The following RELCH variants were observed in gnomAD, a reference collection of about 807,000 sequenced individuals.
RELCH encodes the protein RAB11-binding protein RELCH.
RELCH carries 41 observed loss-of-function variants against 150.3 expected under a neutral mutation model. The observed-to-expected ratio is 0.27, with a 90% CI of 0.21 to 0.35. RELCH has a LOEUF of 0.35. Ranked by LOEUF, RELCH falls within the 10% of genes least tolerant of loss-of-function variation. The probability of loss-of-function intolerance (pLI) is 1.00; values close to 1 mark genes in which losing one functional copy is unlikely to be tolerated. For synonymous variants in RELCH, 478 were observed against 531.8 expected, an observed-to-expected ratio of 0.90 and a Z score of 1.39; for missense variants, 1,092 against 1,467.8, an observed-to-expected ratio of 0.74 and a Z score of 4.18.
At chr18:62,238,142 A>G (rs1036314165) in intron 10 of RELCH, among the ~76,000 whole-genome samples, 3 of 151,906 alleles carry the variant, frequency 2.0e-5, no homozygotes, top group African/African-American at 7.2e-5. Context: ...AGAAATATGT[A>G]CCTCTTAGGT....
Position 62,261,152 on chromosome 18 carries a change from C to A in RELCH, c.2203-359C>A, listed in dbSNP as rs961352518. Among the ~76,000 whole-genome samples, 3 of 151,778 alleles carry A rather than the reference C, an allele frequency of 2.0e-5. No individual in the cohort carries two copies. In the East Asian group the frequency reaches 5.8e-4, roughly 29 times the overall value. On this transcript the variant is annotated intron_variant, in intron 15 of 28. Coordinates refer to ENST00000644646, the MANE Select transcript of RELCH (RefSeq NM_001346231.2). ...CCTGTATCAAAATATCTCATGGTAC[C>A]CCGTAATATGTACAATTATTTATGT...
chr18:62,213,778 A>C (rs1033239578), intron 2 of RELCH, among the ~76,000 whole-genome samples: 12 of 150,490 alleles, frequency 8.0e-5, no homozygotes, highest in African/African-American at 2.7e-4. Context: ...TATAATCTCT[A>C]TTTATGTCAA....
At chr18:62,292,961 A>C (rs974858919) in intron 27 of RELCH, among the ~76,000 whole-genome samples, 12 of 152,128 alleles carry the variant, frequency 7.9e-5, no homozygotes, top group East Asian at 1.9e-4. Flanking sequence ...TCTCCTATTA[A>C]AAACCCTTTA....
In RELCH at chr18:62,308,442, T is replaced by G. The variant is rs899044504; in HGVS notation, c.*2908T>G. On this transcript the variant is annotated 3_prime_UTR_variant, in exon 29 of 29. Coordinates refer to ENST00000644646, the MANE Select transcript of RELCH (RefSeq NM_001346231.2). ...ATGTTACACTTAAAGAGCTTTGGAC[T>G]GTGCGCTGTGGCTCACGCCTGTAAT... is the stretch of plus-strand genomic sequence containing the variant. 28 of 152,248 alleles carry G rather than the reference T, an allele frequency of 1.8e-4. No individual in the cohort carries two copies. The highest frequency in any genetic ancestry group is 6.8e-4 in the African/African-American group (28 of 41,464). 9.4% of individuals were successfully genotyped at this position (152,248 alleles called of 1,614,324 possible).
intron 21 of RELCH, among the ~76,000 whole-genome samples, chr18:62,275,000 T>A (rs1014482113): frequency 2.0e-5 from 3 of 152,220 alleles, no homozygotes; most frequent in Non-Finnish European, 4.4e-5. Context: ...CACTGCAACC[T>A]CTGCCTCCTG....
rs540053246 is a variant in RELCH at position 62,230,438 on chromosome 18, A to T, written c.1449-756A>T. On this transcript the variant is annotated intron_variant, in intron 8 of 28. Coordinates refer to ENST00000644646, the MANE Select transcript of RELCH (RefSeq NM_001346231.2). ...ACAGTACTCTATAATCATAGAAATTACTGAGCTCCATTTTGTGGTGTATAC... is the reference window on the plus strand; with the variant it reads ...ACAGTACTCTATAATCATAGAAATTTCTGAGCTCCATTTTGTGGTGTATAC... Among the ~76,000 whole-genome samples, 183 of 152,236 alleles carry T rather than the reference A, an allele frequency of 1.2e-3. 1 individual carries two copies. Among genetic ancestry groups the T allele is most frequent in the South Asian group, 1.9e-3 (9 of 4,830 alleles).
intron 1 of RELCH, among the ~76,000 whole-genome samples, chr18:62,190,279 A>G (rs535305202): frequency 4.4e-4 from 67 of 152,306 alleles, no homozygotes; most frequent in African/African-American, 1.5e-3. Flanking sequence ...CACTACCACA[A>G]TTAAAATACA....
At chr18:62,291,716 A>C in intron 27 of RELCH, 85 bp downstream of exon 27, 1 of 843,264 alleles carries the variant, frequency 1.2e-6, no homozygotes, top group Non-Finnish European at 1.9e-6. Flanking sequence ...GAGGCTTATG[A>C]TATGCTGTAA....
intron 26 of RELCH, among the ~76,000 whole-genome samples, chr18:62,291,106 T>C (rs1340908221): frequency 6.6e-6 from 1 of 152,212 alleles, no homozygotes; most frequent in Non-Finnish European, 1.5e-5. Context: ...TTCTCAATCG[T>C]TTACAATTGT....
At chr18:62,296,414 C>T (rs2045410598) in intron 27 of RELCH, among the ~76,000 whole-genome samples, 1 of 152,074 alleles carries the variant, frequency 6.6e-6, no homozygotes, top group Non-Finnish European at 1.5e-5. Flanking sequence ...TGGAGAAACC[C>T]TGTCTCTACT....
In RELCH at chr18:62,187,856, G is replaced by C; in HGVS notation, c.351G>C (p.Leu117=). 6.3e-7 allele frequency: 1 copy of C among 1,593,604 alleles called. No homozygotes were observed. Among genetic ancestry groups the C allele is most frequent in the Non-Finnish European group, 8.5e-7 (1 of 1,170,364 alleles). The change falls in exon 1 of 29, where the codon CTG becomes CTC. Residue 117 remains leucine (L), a synonymous_variant. Transcript: ENST00000644646. ...CCGCCCTGGAGCTGCATACCGAGCT[G>C]TTAGAGAGTGGCCGGGAGCTGCCTC... is the stretch of plus-strand genomic sequence containing the variant. ...LLTALELHTE[L]LESGRELPRL...
chr18:62,202,061 G>A (rs2039488913), intron 1 of RELCH, among the ~76,000 whole-genome samples: 1 of 152,250 alleles, frequency 6.6e-6, no homozygotes, highest in Non-Finnish European at 1.5e-5. Flanking sequence ...TTATGAACAG[G>A]TTTTACCAGT....
chr18:62,204,996 G>C (rs976003311), intron 1 of RELCH, among the ~76,000 whole-genome samples: 1 of 152,160 alleles, frequency 6.6e-6, no homozygotes, highest in African/African-American at 2.4e-5. Context: ...AAAGTTCAAA[G>C]CATACAGACA....
At chr18:62,253,605 G>A (rs189769295) in intron 12 of RELCH, among the ~76,000 whole-genome samples, 139 of 152,066 alleles carry the variant, frequency 9.1e-4, no homozygotes, top group African/African-American at 3.2e-3. Flanking sequence ...TTATTCTTAA[G>A]AAAAATATTA....
At chr18:62,230,601 ACCT>A (rs2041510438) in intron 8 of RELCH, among the ~76,000 whole-genome samples, 1 of 152,008 alleles carries the variant, frequency 6.6e-6, no homozygotes, top group African/African-American at 2.4e-5. Flanking sequence ...AAATGTTTTA[ACCT>A]CCTTTATTAA....
chr18:62,249,195 A>G (rs1332829991), intron 11 of RELCH, among the ~76,000 whole-genome samples: 1 of 152,214 alleles, frequency 6.6e-6, no homozygotes, highest in Non-Finnish European at 1.5e-5. Context: ...AGAATGTTGG[A>G]AAATCATAAA....
intron 27 of RELCH, among the ~76,000 whole-genome samples, chr18:62,292,982 A>G (rs1477518576): frequency 6.6e-6 from 1 of 152,164 alleles, no homozygotes; most frequent in Non-Finnish European, 1.5e-5. Context: ...CAAGTTTCTT[A>G]CATACAAGGC....
chr18:62,274,146 T>C, intron 21 of RELCH, 60 bp downstream of exon 21: 5 of 1,035,346 alleles, frequency 4.8e-6, no homozygotes, highest in Non-Finnish European at 6.0e-6. Context: ...ATTGGATTTA[T>C]AGAGTACATA....
intron 5 of RELCH, among the ~76,000 whole-genome samples, chr18:62,223,378 AG>A (rs1358483215): frequency 6.6e-6 from 1 of 152,102 alleles, no homozygotes; most frequent in East Asian, 1.9e-4. Context: ...CAACTGCCAA[AG>A]CACACTCAAG....
Sources: allele counts gnomAD v4.1 joint callset (sites outside exome capture counted in the v4.1 genomes callset), GRCh38; gene constraint gnomAD v4.1.1; transcripts MANE v1.5; gene names NCBI Gene and HGNC (gene_info 2026-07-23, HGNC 2026-07-21).